RGS17: variants seen among roughly 807,000 people sequenced by gnomAD.
RGS17 encodes the protein regulator of G protein signaling 17.
RGS17 carries 12 observed loss-of-function variants against 25.5 expected under a neutral mutation model. The observed-to-expected ratio is 0.47, with a 90% confidence interval of 0.30 to 0.76. The LOEUF (loss-of-function observed/expected upper bound fraction) is 0.76, where lower values mean the gene tolerates loss of function less well. Among genes scored for constraint, RGS17 ranks in the 30% least tolerant of loss-of-function variants. The pLI, the probability that RGS17 is intolerant of heterozygous loss-of-function variation, is 0.07. For synonymous variants in RGS17, 71 were observed against 76.9 expected, an observed-to-expected ratio of 0.92 and a Z score of 0.40; for missense variants, 196 against 242.2, an observed-to-expected ratio of 0.81 and a Z score of 1.27.
At chr6:153,119,771 T>C (rs1253794921) in intron 1 of RGS17, among the ~76,000 whole-genome samples, 1 of 152,232 alleles carries the variant, frequency 6.6e-6, no homozygotes, top group African/African-American at 2.4e-5. Flanking sequence ...ATGCTATTCC[T>C]AAGGTAACAA....
intron 2 of RGS17, among the ~76,000 whole-genome samples, chr6:153,033,908 G>A (rs557969692): frequency 6.6e-6 from 1 of 152,102 alleles, no homozygotes; most frequent in South Asian, 2.1e-4. Flanking sequence ...TCTTAGATGT[G>A]AAAAGGCCAA....
intron 1 of RGS17, among the ~76,000 whole-genome samples, chr6:153,093,313 T>C (rs1217258337): frequency 6.6e-6 from 1 of 152,208 alleles, no homozygotes; most frequent in Non-Finnish European, 1.5e-5. Context: ...AGATTATCAA[T>C]CTGATCTGAT....
chr6:153,047,395 T>A (rs568036402), intron 1 of RGS17, among the ~76,000 whole-genome samples: 1 of 152,332 alleles, frequency 6.6e-6, no homozygotes, highest in South Asian at 2.1e-4. Flanking sequence ...AACCCTCTAA[T>A]GAAACAGATT....
At position 153,084,109 on chromosome 6, in the gene RGS17, T is replaced by C. The variant is rs565637501; in HGVS notation, c.-25-40066A>G. On this transcript the variant is annotated intron_variant, in intron 1 of 4. Coordinates refer to ENST00000206262, the MANE Select transcript of RGS17 (RefSeq NM_012419.5). ...GAGGAGACAGCCACAATGGGGAGAA[T>C]TGGTCTTCTGGCATACAAGGTAGTA... Among the ~76,000 whole-genome samples the C allele has an allele frequency of 3.9e-5, 6 of 152,190 alleles. No homozygotes were observed. The East Asian group carries it at 9.7e-4, about 25-fold the overall frequency.
At position 153,011,338 on chromosome 6, in the gene RGS17, G is replaced by A. The variant is rs1779130208; in HGVS notation, c.*236C>T. ...TACAAATACACTTTGCTTGCAAGTA[G>A]AATGAGTCTTGAATAAAACAAACAA... On this transcript the variant is annotated 3_prime_UTR_variant, in exon 5 of 5. Transcript: ENST00000206262. The A allele has an allele frequency of 2.1e-6, 1 of 483,428 alleles. No individual in the cohort carries two copies. The highest frequency in any genetic ancestry group is 3.9e-5 in the Admixed American group (1 of 25,740). 29.9% of individuals were successfully genotyped at this position (483,428 alleles called of 1,614,324 possible). A position where few individuals can be genotyped will look rare whatever the true frequency, so the allele number is the denominator to read the frequency against.
intron 1 of RGS17, among the ~76,000 whole-genome samples, chr6:153,117,104 G>A (rs574016816): frequency 3.9e-5 from 6 of 152,022 alleles, no homozygotes; most frequent in South Asian, 2.1e-4. Context: ...ATAAATACCC[G>A]AGACTGGGTA....
intron 1 of RGS17, among the ~76,000 whole-genome samples, chr6:153,084,265 G>A (rs1377917555): frequency 6.6e-6 from 1 of 152,182 alleles, no homozygotes; most frequent in African/African-American, 2.4e-5. Context: ...ACTCCTAGAT[G>A]ATCAGTTATA....
chr6:153,022,963 T>C (rs1292370954), intron 4 of RGS17, among the ~76,000 whole-genome samples: 1 of 152,100 alleles, frequency 6.6e-6, no homozygotes, highest in South Asian at 2.1e-4. Context: ...TTCATGTTCA[T>C]GTAGGAAATA....
intron 2 of RGS17, among the ~76,000 whole-genome samples, chr6:153,031,471 C>T (rs995350028): frequency 1.3e-5 from 2 of 152,186 alleles, no homozygotes; most frequent in African/African-American, 4.8e-5. Flanking sequence ...CTTGTCACTT[C>T]CTCCTCACAA....
intron 1 of RGS17, among the ~76,000 whole-genome samples, chr6:153,080,785 C>G (rs1776967045): frequency 6.6e-6 from 1 of 151,580 alleles, no homozygotes; most frequent in South Asian, 2.1e-4. Flanking sequence ...ACTTTAGCTG[C>G]ATTATAAAAA....
intron 1 of RGS17, among the ~76,000 whole-genome samples, chr6:153,077,184 CAAAG>C (rs369666723): frequency 7.9e-5 from 12 of 152,012 alleles, no homozygotes; most frequent in African/African-American, 2.9e-4. Flanking sequence ...ACAAAAAAGA[CAAAG>C]GAAGAAGTTG....
intron 1 of RGS17, among the ~76,000 whole-genome samples, chr6:153,092,818 T>G (rs1777152098): frequency 6.6e-6 from 1 of 152,202 alleles, no homozygotes; most frequent in Admixed American, 6.5e-5. Flanking sequence ...TTAGTCCAGC[T>G]ACCCCCTAAG....
At chr6:153,100,703 T>C (rs1777289428) in intron 1 of RGS17, among the ~76,000 whole-genome samples, 1 of 152,220 alleles carries the variant, frequency 6.6e-6, no homozygotes, top group Non-Finnish European at 1.5e-5. Flanking sequence ...TAGAAGTCGT[T>C]AAATCAAGTT....
chr6:153,129,182 T>C (rs1228856879), intron 1 of RGS17, among the ~76,000 whole-genome samples: 1 of 152,236 alleles, frequency 6.6e-6, no homozygotes, highest in Non-Finnish European at 1.5e-5. Context: ...ACTACTCTCC[T>C]ATGGTGGCTC....
At chr6:153,119,735 T>A (rs1777598205) in intron 1 of RGS17, among the ~76,000 whole-genome samples, 1 of 152,174 alleles carries the variant, frequency 6.6e-6, no homozygotes, top group African/African-American at 2.4e-5. Flanking sequence ...TGGCAACATC[T>A]TTGTGATACA....
At chr6:153,074,575 A>G (rs1776849881) in intron 1 of RGS17, among the ~76,000 whole-genome samples, 1 of 152,232 alleles carries the variant, frequency 6.6e-6, no homozygotes, top group Non-Finnish European at 1.5e-5. Context: ...ACTGTGGAGC[A>G]GATGGAATTA....
At chr6:153,086,802 T>G (rs1777059633) in intron 1 of RGS17, among the ~76,000 whole-genome samples, 1 of 152,230 alleles carries the variant, frequency 6.6e-6, no homozygotes. Flanking sequence ...AACCTTCTCA[T>G]TATGACTTAG....
At chr6:153,041,612 A>C (rs1358668304) in intron 2 of RGS17, among the ~76,000 whole-genome samples, 6 of 152,226 alleles carry the variant, frequency 3.9e-5, no homozygotes, top group African/African-American at 1.4e-4. Context: ...TGGTGTTTTA[A>C]TCCCAAAGCA....
chr6:153,123,895 A>G (rs546151639), intron 1 of RGS17, among the ~76,000 whole-genome samples: 13 of 152,202 alleles, frequency 8.5e-5, no homozygotes, highest in Non-Finnish European at 1.6e-4. Context: ...GTATGTACAC[A>G]TTTTCTTTAT....
Sources: allele counts gnomAD v4.1 joint callset (sites outside exome capture counted in the v4.1 genomes callset), GRCh38; gene constraint gnomAD v4.1.1; transcripts MANE v1.5; gene names NCBI Gene and HGNC (gene_info 2026-07-23, HGNC 2026-07-21).